The following ZNF334 variants were observed in gnomAD, a reference collection of about 807,000 sequenced individuals.
The protein encoded by ZNF334 is zinc finger protein 334.
ZNF334 carries 14 observed loss-of-function variants against 12.4 expected under a neutral mutation model. That is an observed-to-expected ratio of 1.13 (90% CI 0.74 to 1.76). ZNF334 has a LOEUF of 1.76. Among genes scored for constraint, ZNF334 ranks in the 40% most tolerant of loss-of-function variants. The pLI, the probability that ZNF334 is intolerant of heterozygous loss-of-function variation, is 0.00. For missense variants in ZNF334, 797 were observed against 804.5 expected (o/e 0.99, Z 0.11); for synonymous variants, 273 against 269.6 (o/e 1.01, Z -0.12).
the ZNF334 span, among the ~76,000 whole-genome samples, chr20:46,468,531 C>T: frequency 6.6e-6 from 1 of 151,984 alleles, no homozygotes; most frequent in Admixed American, 6.6e-5. Flanking sequence ...GTGATTCACC[C>T]GCCTCAGCCT....
chr20:46,494,315 C>T, the ZNF334 span, among the ~76,000 whole-genome samples: 2 of 152,196 alleles, frequency 1.3e-5, no homozygotes, highest in African/African-American at 4.8e-5. Context: ...TCTTCATGCT[C>T]TCACCTTTCT....
the ZNF334 span, among the ~76,000 whole-genome samples, chr20:46,465,846 T>G: frequency 6.6e-6 from 1 of 152,152 alleles, no homozygotes; most frequent in South Asian, 2.1e-4. Flanking sequence ...TCCCAGCTAC[T>G]CAGGAACCTG....
At chr20:46,471,311 G>T in the ZNF334 span, among the ~76,000 whole-genome samples, 1 of 152,196 alleles carries the variant, frequency 6.6e-6, no homozygotes, top group Non-Finnish European at 1.5e-5. Context: ...AAATTGGGTT[G>T]TCTGCTATCA....
chr20:46,488,419 T>TTATATATATATATATATATATATATATA, the ZNF334 span, among the ~76,000 whole-genome samples: 405 of 101,886 alleles, frequency 4.0e-3, 3 homozygotes, highest in African/African-American at 6.4e-3. Context: ...AGCTCTTATT[T>TTATATATATATATATATATATATATATA]TATATATATA....
Position 46,502,328 on chromosome 20 carries a change from A to T in ZNF334, c.1011T>A (p.Ala337=). Residue 337 remains alanine, a synonymous_variant, in exon 5 of 5, where the codon GCT becomes GCA. Transcript: ENST00000692313. ...CCCCTGTGTGTGACCTGAAATGTTC[A>T]GCCAGGGCTGACTTCCGAAAAAAGG... ...GKTFFRKSAL[A]EHFRSHTGEK... The T allele has an allele frequency of 6.2e-7, 1 of 1,614,170 alleles. No homozygotes were observed. The highest frequency in any genetic ancestry group is 2.2e-5 in the East Asian group (1 of 44,884).
At chr20:46,487,095 A>G in the ZNF334 span, among the ~76,000 whole-genome samples, 5 of 152,146 alleles carry the variant, frequency 3.3e-5, no homozygotes, top group East Asian at 5.8e-4. Context: ...GCTTCTCTTG[A>G]TCAGAAATCC....
intron 4 of ZNF334, among the ~76,000 whole-genome samples, chr20:46,503,408 T>C (rs897982305): frequency 2.0e-5 from 3 of 152,250 alleles, no homozygotes; most frequent in Admixed American, 6.5e-5. Flanking sequence ...AAAAAGTAAA[T>C]AGTCACAAGG....
the ZNF334 span, among the ~76,000 whole-genome samples, chr20:46,474,908 G>C: frequency 4.6e-5 from 7 of 152,302 alleles, no homozygotes; most frequent in African/African-American, 1.4e-4. Flanking sequence ...TGGTAGTTTA[G>C]TGAGAGAGAC....
At chr20:46,465,102 A>G in the ZNF334 span, 14 of 255,710 alleles carry the variant, frequency 5.5e-5, no homozygotes, top group African/African-American at 3.0e-4. Flanking sequence ...CCCATGCACA[A>G]AATACCAGCA....
rs141491794 is a variant in ZNF334 at position 46,502,461 on chromosome 20, T to C, written c.878A>G (p.Tyr293Cys). ...GGTTTTCCTGCATTCACTGCATTCA[T>C]AGGGTCTCTCTCCAGTATGAATTCT... ...HRRIHTGERP[Y>C]ECSECRKTFI... Residue 293 changes from tyrosine to cysteine, a missense_variant, in exon 5 of 5, where the codon TAT (tyrosine) becomes TGT (cysteine). Tyr to Cys is a radical substitution (Grantham distance 194, BLOSUM62 -2). Coordinates refer to ENST00000692313, the MANE Select transcript of ZNF334 (RefSeq NM_001353824.2). 9.6e-5 allele frequency: 155 copies of C among 1,614,094 alleles called. No individual in the cohort carries two copies. Among genetic ancestry groups the C allele is most frequent in the Admixed American group, 1.3e-4 (8 of 60,030 alleles).
chr20:46,510,723 A>C (rs914877550), intron 2 of ZNF334, among the ~76,000 whole-genome samples: 3 of 144,056 alleles, frequency 2.1e-5, no homozygotes, highest in Non-Finnish European at 4.5e-5. Flanking sequence ...GTGCCACTGC[A>C]CTCCAGCCTG....
chr20:46,506,804 C>T (rs765144090), intron 2 of ZNF334, among the ~76,000 whole-genome samples: 5 of 151,990 alleles, frequency 3.3e-5, no homozygotes, highest in South Asian at 2.1e-4. Flanking sequence ...TCTTTCTATA[C>T]GGTTTTGATT....
At chr20:46,497,109 A>C (rs2061037628), downstream of ZNF334, among the ~76,000 whole-genome samples, 1 of 152,202 alleles carries the variant, frequency 6.6e-6, no homozygotes, top group African/African-American at 2.4e-5. Context: ...CAGGAAGGAA[A>C]TGACTTTTGG....
chr20:46,463,307 A>G, the ZNF334 span, among the ~76,000 whole-genome samples: 2 of 152,210 alleles, frequency 1.3e-5, no homozygotes, highest in East Asian at 1.9e-4. Flanking sequence ...CACATTCACA[A>G]CTGGTTCTGG....
chr20:46,504,457 G>T, intron 3 of ZNF334, 151 bp from the exon 4 acceptor site: 2 of 1,138,702 alleles, frequency 1.8e-6, no homozygotes, highest in Non-Finnish European at 2.5e-6. Context: ...GGTAGGGGAA[G>T]GGCAGTGAAT....
intron 4 of ZNF334, among the ~76,000 whole-genome samples, chr20:46,503,922 G>A (rs2061339271): frequency 6.6e-6 from 1 of 152,220 alleles, no homozygotes; most frequent in South Asian, 2.1e-4. Flanking sequence ...GGTGGGGCAA[G>A]GGAGGCAACA....
At chr20:46,511,952 C>T in intron 2 of ZNF334, 130 bp downstream of exon 2, 1 of 855,682 alleles carries the variant, frequency 1.2e-6, no homozygotes, top group Non-Finnish European at 1.9e-6. Flanking sequence ...TATCTATGTC[C>T]ACTTTTCCAG....
chr20:46,501,347 T>C lies in ZNF334; in HGVS notation c.1992A>G (p.Thr664=), dbSNP rs151081730. ...AAAGAAAGTTTGATTTGTGGCGAAATGTTTTCTCACATTTGTTACATTCAT... is the reference window on the plus strand; with the variant it reads ...AAAGAAAGTTTGATTTGTGGCGAAACGTTTTCTCACATTTGTTACATTCAT... ...KPYECNKCEK[T]FRHKSNFLLH... is the part of the protein sequence containing the mutation. Residue 664 remains threonine (T), a synonymous_variant, in exon 5 of 5, where the codon ACA becomes ACG. Coordinates refer to ENST00000692313, the MANE Select transcript of ZNF334 (RefSeq NM_001353824.2). The C allele has an allele frequency of 1.9e-5, 30 of 1,612,646 alleles. No individual in the cohort carries two copies. Among genetic ancestry groups the C allele is most frequent in the Middle Eastern group, 1.7e-4 (1 of 6,058 alleles).
downstream of ZNF334, among the ~76,000 whole-genome samples, chr20:46,495,787 T>C (rs967871739): frequency 5.3e-5 from 8 of 150,846 alleles, no homozygotes; most frequent in Admixed American, 2.6e-4. Flanking sequence ...AGGCCCAGAC[T>C]CATCTATCTC....
Sources: gnomAD v4.1 joint callset for allele counts (sites outside exome capture counted in the v4.1 genomes callset) on GRCh38, gnomAD v4.1.1 for gene constraint, MANE v1.5 for transcripts, NCBI Gene and HGNC (gene_info 2026-07-23, HGNC 2026-07-21) for gene names.